SKAP1: variants seen among roughly 807,000 people sequenced by gnomAD.
The protein encoded by SKAP1 is src kinase-associated phosphoprotein 1.
A neutral mutation model predicts 58.5 loss-of-function variants in SKAP1; 44 were observed. The ratio of observed to expected loss-of-function variants is 0.75; its 90% confidence interval spans 0.59 to 0.97. SKAP1 has a LOEUF of 0.97. Among genes scored for constraint, SKAP1 ranks in the 50% least tolerant of loss-of-function variants. The pLI is 0.00. For missense variants in SKAP1, 390 were observed against 435.2 expected, an observed-to-expected ratio of 0.90 and a Z score of 0.92; for synonymous variants, 127 against 149.7, an observed-to-expected ratio of 0.85 and a Z score of 1.11.
chr17:48,353,954 G>T (rs1598605442), intron 3 of SKAP1, among the ~76,000 whole-genome samples: 1 of 150,284 alleles, frequency 6.7e-6, no homozygotes, highest in Admixed American at 6.6e-5. Context: ...AGAAGAAGAA[G>T]AAGAAGAGGA....
At chr17:48,291,233 A>G (rs897891700) in intron 4 of SKAP1, among the ~76,000 whole-genome samples, 2 of 152,208 alleles carry the variant, frequency 1.3e-5, no homozygotes, top group African/African-American at 4.8e-5. Context: ...GTTACTTTGA[A>G]AATAGTAATT....
chr17:48,266,345 C>CAAA (rs2065549006), intron 4 of SKAP1, among the ~76,000 whole-genome samples: 1 of 152,054 alleles, frequency 6.6e-6, no homozygotes, highest in South Asian at 2.1e-4. Context: ...AGACAGTTTC[C>CAAA]ACCTATCAGA....
chr17:48,205,027 C>CT (rs554995970), intron 4 of SKAP1, among the ~76,000 whole-genome samples: 1 of 56,156 alleles, frequency 1.8e-5, no homozygotes, highest in African/African-American at 6.2e-5. Context: ...TTCTTTCTTT[C>CT]TTTCTTTCTT....
At chr17:48,342,957 C>T (rs1353800475) in intron 4 of SKAP1, among the ~76,000 whole-genome samples, 2 of 152,032 alleles carry the variant, frequency 1.3e-5, no homozygotes, top group African/African-American at 4.8e-5. Flanking sequence ...TGCACTCTAG[C>T]CTGGGTGACA....
At chr17:48,148,698 A>G (rs949685775) in intron 11 of SKAP1, among the ~76,000 whole-genome samples, 1 of 152,192 alleles carries the variant, frequency 6.6e-6, no homozygotes, top group Admixed American at 6.5e-5. Context: ...TTCAAGGGCC[A>G]TTGCTACAAT....
chr17:48,194,565 A>T (rs2064598725), intron 4 of SKAP1, among the ~76,000 whole-genome samples: 1 of 152,246 alleles, frequency 6.6e-6, no homozygotes, highest in Non-Finnish European at 1.5e-5. Context: ...CTAATAGCAC[A>T]GGAGGCCACA....
chr17:48,220,852 C>CAAAA (rs56006389), intron 4 of SKAP1, among the ~76,000 whole-genome samples: 163 of 83,596 alleles, frequency 1.9e-3, no homozygotes, highest in Middle Eastern at 0.013. Context: ...GACTCCATCT[C>CAAAA]AAAAAAAAAA....
At chr17:48,162,777 G>A (rs1414999084) in intron 10 of SKAP1, 2 of 456,568 alleles carry the variant, frequency 4.4e-6, no homozygotes, top group Non-Finnish European at 7.8e-6. Flanking sequence ...AATATTTACA[G>A]ATCACTCCTA....
intron 4 of SKAP1, among the ~76,000 whole-genome samples, chr17:48,219,535 G>A (rs1213535626): frequency 6.6e-6 from 1 of 152,198 alleles, no homozygotes; most frequent in Non-Finnish European, 1.5e-5. Context: ...ATATTATGGA[G>A]AATAGGGTCA....
intron 4 of SKAP1, among the ~76,000 whole-genome samples, chr17:48,191,534 T>C (rs1285141073): frequency 6.6e-6 from 1 of 152,256 alleles, no homozygotes; most frequent in East Asian, 1.9e-4. Flanking sequence ...TACAATAACA[T>C]TTATTCAATG....
chr17:48,203,480 C>T (rs535009928), intron 4 of SKAP1, among the ~76,000 whole-genome samples: 5 of 152,304 alleles, frequency 3.3e-5, no homozygotes, highest in South Asian at 2.1e-4. Flanking sequence ...ATAGCTCTTC[C>T]GAGCAGCCTT....
At chr17:48,249,877 G>T (rs964150861) in intron 4 of SKAP1, among the ~76,000 whole-genome samples, 1 of 151,928 alleles carries the variant, frequency 6.6e-6, no homozygotes, top group African/African-American at 2.4e-5. Flanking sequence ...AGACCTAACA[G>T]CACTGATAGG....
chr17:48,406,187 C>A (rs966232846), intron 1 of SKAP1, among the ~76,000 whole-genome samples: 2 of 151,800 alleles, frequency 1.3e-5, no homozygotes, highest in Non-Finnish European at 2.9e-5. Context: ...ATCGCTTGAA[C>A]CTGAGAGGCG....
rs1483237469 is a variant in SKAP1, at chr17:48,163,565, A to T, written c.878-996T>A. 2.0e-5 allele frequency among the ~76,000 whole-genome samples: 3 copies of T among 152,296 alleles called. No individual in the cohort carries two copies. The East Asian group carries it at 5.8e-4, about 29-fold the overall frequency. On this transcript the variant is annotated intron_variant, in intron 10 of 12. Transcript: ENST00000336915. ...TCTGTATCAGAGCTGTGAACAAAGC[A>T]CCTACAAAAGATGAAATTCAATAGA...
chr17:48,383,457 T>A (rs535049061), intron 2 of SKAP1, among the ~76,000 whole-genome samples: 26 of 149,630 alleles, frequency 1.7e-4, no homozygotes, highest in Middle Eastern at 3.5e-3. Flanking sequence ...AAAAAAAAAA[T>A]TTTAGAAAAA....
chr17:48,256,169 A>C (rs1169428732), intron 4 of SKAP1, among the ~76,000 whole-genome samples: 1 of 149,888 alleles, frequency 6.7e-6, no homozygotes, highest in African/African-American at 2.5e-5. Context: ...TCTTCAGTTT[A>C]CCAAAATGTG....
intron 4 of SKAP1, among the ~76,000 whole-genome samples, chr17:48,213,968 A>G (rs1218706733): frequency 1.3e-5 from 2 of 152,226 alleles, no homozygotes; most frequent in Admixed American, 1.3e-4. Flanking sequence ...GAGAGAAAGT[A>G]AAAATGATTG....
In SKAP1 at chr17:48,188,926, G is replaced by A. The variant is rs138450960; in HGVS notation, c.358+497C>T. Among the ~76,000 whole-genome samples, 13 of 152,314 alleles carry A rather than the reference G, an allele frequency of 8.5e-5. No homozygotes were observed. The East Asian group carries it at 2.3e-3, about 27-fold the overall frequency. Reference sequence around the variant, plus strand: ...GAGACAGCAGAATCGCTTGAACCAGGAGGTGGAGGTTGCAGTGTGCCAGGT... The same window carrying A: ...GAGACAGCAGAATCGCTTGAACCAGAAGGTGGAGGTTGCAGTGTGCCAGGT... On this transcript the variant is annotated intron_variant, in intron 5 of 12. Transcript: ENST00000336915.
chr17:48,434,614 C>A (rs1257725224), upstream of SKAP1, among the ~76,000 whole-genome samples: 2 of 152,140 alleles, frequency 1.3e-5, 1 homozygote, highest in South Asian at 4.1e-4. Context: ...CAGTGAGGTA[C>A]AGGCTTGGAA....
Sources: allele counts gnomAD v4.1 joint callset (sites outside exome capture counted in the v4.1 genomes callset), GRCh38; gene constraint gnomAD v4.1.1; transcripts MANE v1.5; gene names NCBI Gene and HGNC (gene_info 2026-07-23, HGNC 2026-07-21).